The following SPATA9 variants were observed in gnomAD, a reference collection of about 807,000 sequenced individuals.
SPATA9 encodes the protein spermatogenesis-associated protein 9.
SPATA9 carries 27 observed loss-of-function variants against 25.5 expected under a neutral mutation model. The observed-to-expected ratio is 1.06, with a 90% CI of 0.78 to 1.46. The LOEUF (loss-of-function observed/expected upper bound fraction) is 1.46. Among genes scored for constraint, SPATA9 ranks in the 40% most tolerant of loss-of-function variants. SPATA9 has a pLI of 0.00. For missense variants in SPATA9, 282 were observed against 297.5 expected (o/e 0.95, Z 0.38); for synonymous variants, 102 against 105.7 (o/e 0.97, Z 0.21).
the SPATA9 span, among the ~76,000 whole-genome samples, chr5:95,718,578 C>G: frequency 2.6e-5 from 4 of 152,104 alleles, no homozygotes. Context: ...CTTTGGAGAG[C>G]CAGGCAATAC....
At chr5:95,662,659 A>G (rs1751373641) in intron 4 of SPATA9, among the ~76,000 whole-genome samples, 1 of 152,236 alleles carries the variant, frequency 6.6e-6, no homozygotes, top group African/African-American at 2.4e-5. Flanking sequence ...AAAAAAGGAC[A>G]GGCTCCTAGA....
chr5:95,698,012 A>G (rs1235847094), intron 1 of SPATA9, among the ~76,000 whole-genome samples: 4 of 152,158 alleles, frequency 2.6e-5, no homozygotes, highest in Admixed American at 1.3e-4. Flanking sequence ...CTTCATATTT[A>G]ATTACATGGA....
the SPATA9 span, among the ~76,000 whole-genome samples, chr5:95,725,422 G>T: frequency 2.0e-5 from 3 of 152,252 alleles, no homozygotes; most frequent in Non-Finnish European, 4.4e-5. Flanking sequence ...ACAAAAGCCA[G>T]GCTCATTATC....
chr5:95,731,725 G>A, the SPATA9 span: 11 of 1,612,510 alleles, frequency 6.8e-6, no homozygotes, highest in East Asian at 1.6e-4. Flanking sequence ...TCTCTCCAGC[G>A]CGTGCCGTGC....
chr5:95,695,459 G>A (rs575554458), intron 1 of SPATA9, among the ~76,000 whole-genome samples: 32 of 152,252 alleles, frequency 2.1e-4, no homozygotes, highest in African/African-American at 5.5e-4. Context: ...TTAGCTGGGC[G>A]TGGTGGCACG....
chr5:95,676,895 G>T (rs954250452), intron 2 of SPATA9, among the ~76,000 whole-genome samples: 17 of 152,146 alleles, frequency 1.1e-4, no homozygotes, highest in African/African-American at 3.9e-4. Context: ...CCCTACAAAG[G>T]TTGTCTTTTC....
the SPATA9 span, among the ~76,000 whole-genome samples, chr5:95,725,635 CTT>C: frequency 6.9e-4 from 105 of 152,304 alleles, 2 homozygotes; most frequent in East Asian, 0.014. Flanking sequence ...ACAACAAAAA[CTT>C]TTTCAAGCTG....
chr5:95,654,330 C>A (rs1380631370), downstream of SPATA9: 1 of 1,609,298 alleles, frequency 6.2e-7, no homozygotes, highest in Non-Finnish European at 8.5e-7. Flanking sequence ...AATTCCTTTT[C>A]AGACTCAGGA....
chr5:95,677,626 T>C (rs1753068760), intron 2 of SPATA9, among the ~76,000 whole-genome samples: 1 of 152,060 alleles, frequency 6.6e-6, no homozygotes. Flanking sequence ...ACATTAACAA[T>C]AACCAACAAC....
chr5:95,699,684 AGGCTTAGTT>A (rs1284253150), upstream of SPATA9, among the ~76,000 whole-genome samples: 1 of 152,224 alleles, frequency 6.6e-6, no homozygotes, highest in Non-Finnish European at 1.5e-5. Flanking sequence ...TACATTTTAA[AGGCTTAGTT>A]GGATTGGAAA....
upstream of SPATA9, among the ~76,000 whole-genome samples, chr5:95,683,436 C>G (rs1287895948): frequency 6.6e-6 from 1 of 152,116 alleles, no homozygotes; most frequent in African/African-American, 2.4e-5. Context: ...CTCCTAGTAC[C>G]CTCACATGTC....
intron 4 of SPATA9, 21 bp downstream of exon 4, chr5:95,663,932 C>T (rs1352475675): frequency 1.5e-5 from 20 of 1,332,656 alleles, no homozygotes; most frequent in Non-Finnish European, 2.1e-5. Flanking sequence ...TTTCTAGATT[C>T]TAATAATTTT....
intron 1 of SPATA9, among the ~76,000 whole-genome samples, chr5:95,693,693 T>C (rs768942075): frequency 2.1e-4 from 32 of 152,186 alleles, no homozygotes; most frequent in Non-Finnish European, 2.6e-4. Flanking sequence ...ATTCCCCTGA[T>C]TAAAAAATAG....
intron 1 of SPATA9, among the ~76,000 whole-genome samples, chr5:95,688,555 A>T (rs891440564): frequency 7.2e-5 from 11 of 152,226 alleles, no homozygotes; most frequent in Non-Finnish European, 2.9e-5. Flanking sequence ...GCCAGAAATC[A>T]TGCATTTTAC....
the SPATA9 span, chr5:95,731,856 C>CAG: frequency 6.2e-7 from 1 of 1,611,226 alleles, no homozygotes; most frequent in Non-Finnish European, 8.5e-7. Flanking sequence ...TCTGTCCGTG[C>CAG]AGGTCCATCC....
At chr5:95,673,032 G>A (rs6890085) in intron 3 of SPATA9, among the ~76,000 whole-genome samples, 9,187 of 152,148 alleles carry the variant, frequency 0.06, 423 homozygotes, top group African/African-American at 0.13. Context: ...TAAAAATAAA[G>A]CCCTCTCCTT....
chr5:95,653,215 G>A (rs543837061), intron 8 of SPATA9: 1 of 1,551,594 alleles, frequency 6.4e-7, no homozygotes, highest in East Asian at 2.4e-5. Flanking sequence ...TTTATCTGAG[G>A]TAAGAAAATG....
upstream of SPATA9, chr5:95,684,709 A>G (rs2112697155): frequency 1.3e-5 from 2 of 152,352 alleles, no homozygotes; most frequent in South Asian, 4.1e-4. Context: ...GTGTTTAATT[A>G]TCTTCTTATG....
the SPATA9 span, among the ~76,000 whole-genome samples, chr5:95,730,411 G>C: frequency 6.6e-6 from 1 of 152,222 alleles, no homozygotes; most frequent in South Asian, 2.1e-4. Flanking sequence ...GGCCCATTTT[G>C]GTGTTAGTAA....
Sources: allele counts gnomAD v4.1 joint callset (sites outside exome capture counted in the v4.1 genomes callset), GRCh38; gene constraint gnomAD v4.1.1; transcripts MANE v1.5; gene names NCBI Gene and HGNC (gene_info 2026-07-23, HGNC 2026-07-21).